The following CTNNA2 variants were observed in gnomAD, a reference collection of about 807,000 sequenced individuals.
The protein encoded by CTNNA2 is catenin alpha 2.
Under a neutral mutation model 101.0 loss-of-function variants are expected in CTNNA2, and 42 were observed. The ratio of observed to expected loss-of-function variants is 0.42; its 90% confidence interval spans 0.32 to 0.54. CTNNA2 has a LOEUF of 0.54. CTNNA2 is among the 20% of genes least tolerant of loss of function. The pLI is 0.14. For missense variants in CTNNA2, 871 were observed against 1,223.1 expected, an observed-to-expected ratio of 0.71 and a Z score of 4.29; for synonymous variants, 450 against 456.4, an observed-to-expected ratio of 0.99 and a Z score of 0.18.
At chr2:79,854,326 A>T (rs1000762715) in intron 3 of CTNNA2, among the ~76,000 whole-genome samples, 1 of 152,208 alleles carries the variant, frequency 6.6e-6, no homozygotes, top group African/African-American at 2.4e-5. Flanking sequence ...ATGAATAATG[A>T]TCACCCGTTA....
At chr2:80,117,913 C>T (rs77622194) in intron 7 of CTNNA2, among the ~76,000 whole-genome samples, 2,666 of 152,220 alleles carry the variant, frequency 0.018, 71 homozygotes, top group African/African-American at 0.06. Flanking sequence ...ATAGTCTAAT[C>T]GTAACAATAA....
Position 79,462,864 on chromosome 2 carries a change from C to T in CTNNA2, c.-134-42190C>T, listed in dbSNP as rs551845175. Among the ~76,000 whole-genome samples the T allele has an allele frequency of 7.2e-5, 11 of 152,174 alleles. No homozygotes were observed. The South Asian group carries it at 1.9e-3, about 26-fold the overall frequency. On this transcript the variant is annotated intron_variant, in intron 4 of 21. Coordinates refer to the CTNNA2 transcript ENST00000466387. ...ATGCTGCCCTGTGTTGTTATTTTGT[C>T]TATGGTTGGAAAGTTCACTGTATTG...
At chr2:79,844,894 A>C (rs1680088775) in intron 3 of CTNNA2, among the ~76,000 whole-genome samples, 1 of 151,162 alleles carries the variant, frequency 6.6e-6, no homozygotes, top group African/African-American at 2.4e-5. Flanking sequence ...TGGGCTGGGG[A>C]GTGGGCTGTG....
intron 3 of CTNNA2, among the ~76,000 whole-genome samples, chr2:79,749,724 T>C (rs1182434829): frequency 6.6e-6 from 1 of 152,228 alleles, no homozygotes; most frequent in Non-Finnish European, 1.5e-5. Context: ...AAAAGCTAAG[T>C]CACTTAACCA....
In CTNNA2 at chr2:79,321,411, T is replaced by C. The variant is rs192898763; in HGVS notation, c.-318+8615T>C. ...CGTATGAAAGTAATTTGGGGCTGAG[T>C]TGTGTGAAATTTTATTGGTTCTATA... On this transcript the variant is annotated intron_variant, in intron 3 of 21. Transcript: ENST00000466387. Among the ~76,000 whole-genome samples, 17 of 140,576 alleles carry C rather than the reference T, an allele frequency of 1.2e-4. No individual in the cohort carries two copies. In the East Asian group the frequency reaches 3.4e-3, roughly 28 times the overall value. 92.2% of individuals were successfully genotyped at this position (140,576 alleles called of 152,430 possible).
chr2:79,365,674 A>G (rs1218090529), intron 3 of CTNNA2, among the ~76,000 whole-genome samples: 1 of 150,670 alleles, frequency 6.6e-6, no homozygotes, highest in Non-Finnish European at 1.5e-5. Flanking sequence ...TGGGGGGGAC[A>G]TGACAAGATG....
chr2:79,997,085 A>G (rs975224910), intron 7 of CTNNA2, among the ~76,000 whole-genome samples: 1 of 152,110 alleles, frequency 6.6e-6, no homozygotes, highest in East Asian at 1.9e-4. Context: ...ACACTGTCCA[A>G]TTGGTCAACA....
intron 7 of CTNNA2, among the ~76,000 whole-genome samples, chr2:80,042,434 G>C (rs1026240237): frequency 6.6e-6 from 1 of 152,146 alleles, no homozygotes; most frequent in African/African-American, 2.4e-5. Flanking sequence ...TATTGACAAA[G>C]GAAATTAACT....
chr2:80,478,899 G>T (rs1330671114), intron 9 of CTNNA2, among the ~76,000 whole-genome samples: 1 of 151,618 alleles, frequency 6.6e-6, no homozygotes. Context: ...TAGGATTTTT[G>T]TTCTAATTCT....
Position 79,530,696 on chromosome 2 carries a change from T to C in CTNNA2, c.-6+17489T>C, listed in dbSNP as rs1416791402. Among the ~76,000 whole-genome samples, 6 of 152,160 alleles carry C rather than the reference T, an allele frequency of 3.9e-5. No individual in the cohort carries two copies. In the East Asian group the frequency reaches 7.7e-4, roughly 20 times the overall value. ...CTTTGCCAGAGTAGCTTCAGTCAAG[T>C]GGTCACCTCAGAAACCTGATAGTAT... On this transcript the variant is annotated intron_variant, in intron 1 of 18. Transcript: ENST00000402739.
At chr2:80,152,316 T>C (rs1363769803) in intron 7 of CTNNA2, among the ~76,000 whole-genome samples, 2 of 144,458 alleles carry the variant, frequency 1.4e-5, no homozygotes, top group East Asian at 2.0e-4. Context: ...TGCCACTTGA[T>C]GTTTTTTTTT....
At chr2:79,610,067 TAAAATC>T (rs1201119740) in intron 1 of CTNNA2, among the ~76,000 whole-genome samples, 1 of 152,054 alleles carries the variant, frequency 6.6e-6, no homozygotes, top group Admixed American at 6.6e-5. Flanking sequence ...AAGGAACTCT[TAAAATC>T]AATAAGAAAA....
At chr2:80,555,950 C>G in intron 12 of CTNNA2, 57 bp downstream of exon 12, 4 of 1,158,094 alleles carry the variant, frequency 3.5e-6, no homozygotes, top group Non-Finnish European at 4.7e-6. Flanking sequence ...GTTTCTATAA[C>G]TGAATAAATC....
chr2:79,542,222 A>G (rs538053482), intron 1 of CTNNA2, among the ~76,000 whole-genome samples: 3 of 152,092 alleles, frequency 2.0e-5, no homozygotes, highest in Non-Finnish European at 2.9e-5. Flanking sequence ...ATTAATCCCC[A>G]TTTTTCATCC....
intron 4 of CTNNA2, among the ~76,000 whole-genome samples, chr2:79,427,495 CTATT>C (rs1468438418): frequency 2.0e-5 from 3 of 152,020 alleles, no homozygotes; most frequent in Admixed American, 2.0e-4. Context: ...TGAATCTACT[CTATT>C]CATGTATTTA....
chr2:79,728,884 G>C (rs1687028585), intron 2 of CTNNA2, among the ~76,000 whole-genome samples: 1 of 152,088 alleles, frequency 6.6e-6, no homozygotes, highest in African/African-American at 2.4e-5. Context: ...TCAGATAGTT[G>C]TAGATATGCG....
chr2:79,385,772 G>C (rs868344531), intron 4 of CTNNA2, among the ~76,000 whole-genome samples: 2 of 152,214 alleles, frequency 1.3e-5, no homozygotes, highest in South Asian at 2.1e-4. Flanking sequence ...CTATGAGTGA[G>C]AATATGTGGT....
At chr2:79,932,568 C>A (rs1687523807) in intron 7 of CTNNA2, among the ~76,000 whole-genome samples, 1 of 151,344 alleles carries the variant, frequency 6.6e-6, no homozygotes, top group Admixed American at 6.6e-5. Context: ...TGTAAGTGAG[C>A]CAGTTATTGA....
intron 3 of CTNNA2, among the ~76,000 whole-genome samples, chr2:79,784,105 A>G (rs1674659934): frequency 6.6e-6 from 1 of 152,208 alleles, no homozygotes; most frequent in African/African-American, 2.4e-5. Flanking sequence ...AGCAAACAGT[A>G]GGCTGATGAT....
Sources: allele counts gnomAD v4.1 joint callset (sites outside exome capture counted in the v4.1 genomes callset), GRCh38; gene constraint gnomAD v4.1.1; transcripts MANE v1.5; gene names NCBI Gene and HGNC (gene_info 2026-07-23, HGNC 2026-07-21).